ZNF534: variants seen among roughly 807,000 people sequenced by gnomAD.
ZNF534 encodes KRAB domain only 3.
In ZNF534, 19 loss-of-function variants were observed where a neutral mutation model predicts 13.6. The observed-to-expected ratio is 1.40, with a 90% CI of 0.97 to 2.05. The LOEUF (loss-of-function observed/expected upper bound fraction) is 2.05, where lower values mean the gene tolerates loss of function less well. ZNF534 is among the 30% of genes most tolerant of loss of function. The pLI is 0.00. For missense variants in ZNF534, 782 were observed against 796.3 expected (o/e 0.98, Z 0.22); for synonymous variants, 244 against 273.8 (o/e 0.89, Z 1.07).
chr19:52,436,333 T>C, intron 4 of ZNF534, among the ~76,000 whole-genome samples: 1 of 152,188 alleles, frequency 6.6e-6, no homozygotes, highest in African/African-American at 2.4e-5. Flanking sequence ...CAGTTTCCTA[T>C]TATATGTCAA....
intron 4 of ZNF534, among the ~76,000 whole-genome samples, chr19:52,436,496 T>C (rs1334300064): frequency 6.6e-6 from 1 of 152,218 alleles, no homozygotes; most frequent in Non-Finnish European, 1.5e-5. Context: ...TTTCCTCAGA[T>C]GTGTGATGTT....
chr19:52,430,122 T>C (rs2059077598), intron 1 of ZNF534, among the ~76,000 whole-genome samples: 1 of 151,704 alleles, frequency 6.6e-6, no homozygotes, highest in Non-Finnish European at 1.5e-5. Context: ...TTCAAGCAAT[T>C]CTCCTGCCTC....
In ZNF534 at chr19:52,434,094, T is replaced by G. The variant is rs1226771709; in HGVS notation, c.142+13T>G. On this transcript the variant is annotated intron_variant, in intron 3 of 4. Transcript: ENST00000433050. Reference sequence around the variant, plus strand: ...CTGGTCTCCCTAGGTGAGGATAATGTCCGTCCAGAAGCCTGCATCTGCTCT... The same window carrying G: ...CTGGTCTCCCTAGGTGAGGATAATGGCCGTCCAGAAGCCTGCATCTGCTCT... 3 of 1,612,306 alleles carry G rather than the reference T, an allele frequency of 1.9e-6. No individual in the cohort carries two copies. The African/African-American group carries it at 4.0e-5, about 22-fold the overall frequency.
At position 52,435,107 on chromosome 19, in the gene ZNF534, A is replaced by G. The variant is rs912657590; in HGVS notation, c.169A>G (p.Thr57Ala). 6.2e-7 allele frequency: 1 copy of G among 1,613,136 alleles called. No homozygotes were observed. The highest frequency in any genetic ancestry group is 2.2e-5 in the East Asian group (1 of 44,868). Reference sequence around the variant, plus strand: ...AATCTGTCTTCCTGACCTGAGTGTTACCTCCATGTTGGAGCAAAAGAGAGA... The same window carrying G: ...AATCTGTCTTCCTGACCTGAGTGTTGCCTCCATGTTGGAGCAAAAGAGAGA... ...LGICLPDLSV[T>A]SMLEQKRDPW... Residue 57 changes from threonine to alanine, a missense_variant, in exon 4 of 5, where the codon ACC becomes GCC. Thr to Ala is a moderately conservative substitution (Grantham distance 58). Transcript: ENST00000433050.
Position 52,438,487 on chromosome 19 carries a change from A to G in ZNF534, c.1027A>G (p.Thr343Ala). 1 of 1,588,652 alleles carries G rather than the reference A, an allele frequency of 6.3e-7. No individual in the cohort carries two copies. Among genetic ancestry groups the G allele is most frequent in the Non-Finnish European group, 8.6e-7 (1 of 1,167,614 alleles). ...KVFRHKSSLT[T>A]HQTVHTGERP... ...CTTCAGGCATAAGTCTTCCCTAACC[A>G]CTCATCAGACAGTTCATACTGGAGA... is the stretch of plus-strand genomic sequence containing the variant. Residue 343 changes from threonine to alanine, a missense_variant, in exon 5 of 5, where the codon ACT becomes GCT. Around this residue, in one of 5 missense-constraint regions of ZNF534, gnomAD observed 591 missense variants for 574.0 expected, o/e 1.03. Coordinates refer to ENST00000433050, the MANE Select transcript of ZNF534 (RefSeq NM_001143938.3).
chr19:52,439,450 T>G lies in ZNF534; in HGVS notation c.*4T>G, dbSNP rs1245607017. On this transcript the variant is annotated 3_prime_UTR_variant, in exon 5 of 5. Coordinates refer to ENST00000433050, the MANE Select transcript of ZNF534 (RefSeq NM_001143938.3). ...TCATACCAGAGAGAAGCCTTAAAAA[T>G]TTAGTGAAGCTGGCAGGGCGCAGTG... The G allele has an allele frequency of 1.3e-6, 2 of 1,505,384 alleles. No individual in the cohort carries two copies. The highest frequency in any genetic ancestry group is 2.2e-5 in the Admixed American group (1 of 44,752). The allele number at this position is 1,505,384 out of a possible 1,614,324, so 93.3% of individuals were successfully genotyped here.
At chr19:52,431,801 G>A (rs1431320230) in intron 2 of ZNF534, among the ~76,000 whole-genome samples, 1 of 151,952 alleles carries the variant, frequency 6.6e-6, no homozygotes, top group African/African-American at 2.4e-5. Flanking sequence ...GGCCACATCT[G>A]GATGCACTGT....
intron 4 of ZNF534, among the ~76,000 whole-genome samples, chr19:52,435,431 A>G (rs1310238859): frequency 6.6e-6 from 1 of 152,068 alleles, no homozygotes; most frequent in Non-Finnish European, 1.5e-5. Context: ...TGTTTGGGAA[A>G]CTCTGCAAGT....
At chr19:52,447,091 A>C (rs2059197078), downstream of ZNF534, among the ~76,000 whole-genome samples, 2 of 152,236 alleles carry the variant, frequency 1.3e-5, no homozygotes, top group South Asian at 4.1e-4. Flanking sequence ...CATATCACCA[A>C]CTACTAAGTG....
downstream of ZNF534, among the ~76,000 whole-genome samples, chr19:52,446,567 C>T (rs940654753): frequency 3.3e-5 from 5 of 151,940 alleles, no homozygotes; most frequent in African/African-American, 1.2e-4. Context: ...AAAAAAATCC[C>T]ACAAATTTGG....
intron 4 of ZNF534, among the ~76,000 whole-genome samples, chr19:52,436,149 A>G (rs1461602727): frequency 6.6e-6 from 1 of 151,470 alleles, no homozygotes; most frequent in Non-Finnish European, 1.5e-5. Context: ...CGTGTTAGCC[A>G]GGATGTTCTC....
chr19:52,429,643 T>A (rs2059073733), intron 1 of ZNF534, among the ~76,000 whole-genome samples: 1 of 151,434 alleles, frequency 6.6e-6, no homozygotes, highest in African/African-American at 2.4e-5. Flanking sequence ...TTGCCCAGGC[T>A]GGAGTGCAAT....
At chr19:52,442,982 G>A (rs1419097694), downstream of ZNF534, among the ~76,000 whole-genome samples, 1 of 152,178 alleles carries the variant, frequency 6.6e-6, no homozygotes, top group Admixed American at 6.5e-5. Flanking sequence ...GTAAAATAGA[G>A]CATGCCATTA....
intron 4 of ZNF534, 22 bp downstream of exon 4, chr19:52,435,231 G>C: frequency 6.3e-7 from 1 of 1,584,072 alleles, no homozygotes; most frequent in Non-Finnish European, 8.6e-7. Context: ...GGTGGGCAGA[G>C]TGGAGGCCCC....
chr19:52,444,213 C>A (rs1357898341), downstream of ZNF534, among the ~76,000 whole-genome samples: 1 of 152,116 alleles, frequency 6.6e-6, no homozygotes, highest in African/African-American at 2.4e-5. Flanking sequence ...TACTCTCCCC[C>A]TTTTCCTAGG....
chr19:52,439,164 T>G lies in ZNF534; in HGVS notation c.1704T>G (p.His568Gln). 1.9e-6 allele frequency: 3 copies of G among 1,547,720 alleles called. No homozygotes were observed. Among genetic ancestry groups the G allele is most frequent in the African/African-American group, 1.4e-5 (1 of 72,364 alleles). The change falls in exon 5 of 5, where the codon CAT becomes CAG. Residue 568 changes from histidine (H) to glutamine (Q), a missense_variant. His to Gln is a conservative substitution (Grantham distance 24, BLOSUM62 0). This residue lies in a region of ZNF534 where 591 missense variants were observed against 574.0 expected (regional missense o/e 1.03). Transcript: ENST00000433050. ...VFSRNSHLAR[H>Q]RNIHTGEKPH... ...GTCGGAATTCACACCTTGCGCGACA[T>G]AGGAATATTCATACTGGAGAGAAGC... is the stretch of plus-strand genomic sequence containing the variant.
chr19:52,438,470 A>T lies in ZNF534; in HGVS notation c.1010A>T (p.His337Leu). ...AAGGAATGTGGCAAGGTCTTCAGGC[A>T]TAAGTCTTCCCTAACCACTCATCAG... Reference protein sequence around the residue: ...DCKECGKVFRHKSSLTTHQTV... With the variant: ...DCKECGKVFRLKSSLTTHQTV... Residue 337 changes from histidine to leucine, a missense_variant, in exon 5 of 5, where the codon CAT becomes CTT. By Grantham distance (99) the His-to-Leu change is moderately conservative (BLOSUM62 -3). Transcript: ENST00000433050. 6.2e-7 allele frequency: 1 copy of T among 1,601,256 alleles called. No individual in the cohort carries two copies. Among genetic ancestry groups the T allele is most frequent in the Non-Finnish European group, 8.5e-7 (1 of 1,173,210 alleles).
downstream of ZNF534, among the ~76,000 whole-genome samples, chr19:52,445,197 ATT>A (rs3054888): frequency 1.8e-3 from 256 of 143,312 alleles, 2 homozygotes; most frequent in South Asian, 7.7e-3. Flanking sequence ...CACTCAGCTA[ATT>A]TTTTTTTTTT....
chr19:52,434,788 G>T (rs925333553), intron 3 of ZNF534, among the ~76,000 whole-genome samples: 1 of 151,358 alleles, frequency 6.6e-6, no homozygotes. Context: ...CTTCCTTCAT[G>T]ATTCATCATT....
Sources: allele counts gnomAD v4.1 joint callset (sites outside exome capture counted in the v4.1 genomes callset), GRCh38; gene constraint gnomAD v4.1.1; regional missense constraint gnomAD v4.1.1; transcripts MANE v1.5; gene names NCBI Gene and HGNC (gene_info 2026-07-23, HGNC 2026-07-21).